Variants in GRM8 observed in about 807,000 individuals in gnomAD.
The protein encoded by GRM8 is metabotropic glutamate receptor 8.
A neutral mutation model predicts 87.2 loss-of-function variants in GRM8; 47 were observed. The ratio of observed to expected loss-of-function variants is 0.54; its 90% CI spans 0.43 to 0.69. The LOEUF is 0.69. Ranked by LOEUF, GRM8 falls within the 30% of genes least tolerant of loss-of-function variation. GRM8 has a pLI of 0.00. For synonymous variants in GRM8, 396 were observed against 404.5 expected (o/e 0.98, Z 0.25); for missense variants, 1,019 against 1,139.2 (o/e 0.89, Z 1.52).
intron 6 of GRM8, among the ~76,000 whole-genome samples, chr7:126,864,058 A>T (rs1448616712): frequency 2.0e-5 from 2 of 98,324 alleles, no homozygotes; most frequent in East Asian, 3.2e-4. Flanking sequence ...TTTTGTAGAG[A>T]CAAAGTCTTG....
intron 7 of GRM8, among the ~76,000 whole-genome samples, chr7:126,748,618 T>G (rs1056924343): frequency 1.3e-5 from 2 of 150,654 alleles, no homozygotes; most frequent in Admixed American, 6.6e-5. Flanking sequence ...TTTTTTTTTT[T>G]TTTTTGTAAA....
At chr7:126,782,060 A>G (rs759653809) in intron 6 of GRM8, among the ~76,000 whole-genome samples, 24 of 152,202 alleles carry the variant, frequency 1.6e-4, no homozygotes, top group Non-Finnish European at 2.4e-4. Flanking sequence ...TGATAATAAA[A>G]TCAATGTAGT....
At chr7:126,657,967 T>C (rs1447042621) in intron 7 of GRM8, among the ~76,000 whole-genome samples, 1 of 152,234 alleles carries the variant, frequency 6.6e-6, no homozygotes, top group African/African-American at 2.4e-5. Context: ...AGTAAAGAGA[T>C]GCTAACGGTT....
chr7:127,073,310 A>C (rs1010669177), intron 3 of GRM8, among the ~76,000 whole-genome samples: 1 of 152,218 alleles, frequency 6.6e-6, no homozygotes, highest in Non-Finnish European at 1.5e-5. Context: ...GTAATGGTCC[A>C]TGACTGCAAA....
At chr7:126,615,437 C>T (rs957222985) in intron 7 of GRM8, among the ~76,000 whole-genome samples, 10 of 152,136 alleles carry the variant, frequency 6.6e-5, no homozygotes, top group African/African-American at 2.2e-4. Context: ...ATTGTAAAGA[C>T]CATCAAGGCT....
intron 6 of GRM8, among the ~76,000 whole-genome samples, chr7:126,853,339 A>C (rs1797389177): frequency 6.6e-6 from 1 of 151,866 alleles, no homozygotes; most frequent in Admixed American, 6.6e-5. Flanking sequence ...TGTTTTTTTT[A>C]AGTCTTTGTT....
chr7:126,504,643 A>C (rs1810168228), intron 9 of GRM8, among the ~76,000 whole-genome samples: 2 of 152,106 alleles, frequency 1.3e-5, no homozygotes, highest in Admixed American at 1.3e-4. Flanking sequence ...GTGCCCCTGA[A>C]CCCAAAATAA....
intron 1 of GRM8, among the ~76,000 whole-genome samples, chr7:127,247,637 C>T (rs552298228): frequency 1.6e-4 from 24 of 152,084 alleles, no homozygotes; most frequent in Admixed American, 3.3e-4. Flanking sequence ...TGGCAACAGA[C>T]GCTTGGAATC....
In GRM8 at chr7:126,470,058, C is replaced by T. The variant is rs184053748; in HGVS notation, c.2431-23686G>A. 2.4e-3 allele frequency among the ~76,000 whole-genome samples: 370 copies of T among 152,222 alleles called. 2 individuals are homozygous for T. The highest frequency in any genetic ancestry group is 8.3e-3 in the African/African-American group (346 of 41,554). ...ATGGAAATAAGAAACTTATTATGAA[C>T]TGGAGCAAAGGTGATTCTTGCCACA... On this transcript the variant is annotated intron_variant, in intron 9 of 10. Coordinates refer to ENST00000339582, the MANE Select transcript of GRM8 (RefSeq NM_000845.3).
chr7:126,566,329 A>G (rs748882844), intron 8 of GRM8, among the ~76,000 whole-genome samples: 6 of 152,160 alleles, frequency 3.9e-5, no homozygotes, highest in Admixed American at 3.9e-4. Flanking sequence ...ACTCAATAGC[A>G]AAAAAACTAA....
chr7:126,786,988 C>T (rs573314531), intron 6 of GRM8, among the ~76,000 whole-genome samples: 2 of 152,132 alleles, frequency 1.3e-5, no homozygotes, highest in African/African-American at 2.4e-5. Flanking sequence ...CTTTTCTGCA[C>T]CCATGTGTAG....
intron 3 of GRM8, among the ~76,000 whole-genome samples, chr7:127,069,410 T>C (rs1461500042): frequency 1.2e-4 from 19 of 152,272 alleles, no homozygotes; most frequent in African/African-American, 4.6e-4. Context: ...GTAATCCACC[T>C]ACCTTGGCCT....
At position 126,856,536 on chromosome 7, in the gene GRM8, C is replaced by T. The variant is rs185638996; in HGVS notation, c.1156+46006G>A. 2.6e-5 allele frequency among the ~76,000 whole-genome samples: 4 copies of T among 152,270 alleles called. No individual in the cohort carries two copies. The South Asian group carries it at 6.2e-4, about 24-fold the overall frequency. On this transcript the variant is annotated intron_variant, in intron 6 of 10. Transcript: ENST00000339582. Reference sequence around the variant, plus strand: ...GCCTTGGGGATGAGTTCTGTTACATCGTGATATCTTCCTTTATATAACTAA... The same window carrying T: ...GCCTTGGGGATGAGTTCTGTTACATTGTGATATCTTCCTTTATATAACTAA...
intron 7 of GRM8, among the ~76,000 whole-genome samples, chr7:126,713,340 A>C (rs924314699): frequency 6.6e-6 from 1 of 152,114 alleles, no homozygotes; most frequent in African/African-American, 2.4e-5. Flanking sequence ...GCAAACTAAC[A>C]CAAGAACAGA....
chr7:126,586,184 A>G lies in GRM8; in HGVS notation c.1494+23178T>C, dbSNP rs145822613. 3.0e-4 allele frequency among the ~76,000 whole-genome samples: 46 copies of G among 152,310 alleles called. 1 individual carries two copies. Among genetic ancestry groups the G allele is most frequent in the African/African-American group, 9.9e-4 (41 of 41,560 alleles). On this transcript the variant is annotated intron_variant, in intron 8 of 10. Transcript: ENST00000339582. ...CCACTGCTCAACGAAAAAAAAGTGG[A>G]TACAAACAAATGGAAGAACATTCCA...
At chr7:127,202,398 G>A (rs758495993) in intron 2 of GRM8, among the ~76,000 whole-genome samples, 7 of 152,050 alleles carry the variant, frequency 4.6e-5, no homozygotes, top group East Asian at 1.9e-4. Flanking sequence ...GGGTGGTCTC[G>A]AACTCCTGGA....
intron 9 of GRM8, among the ~76,000 whole-genome samples, chr7:126,481,989 G>A (rs1044959079): frequency 1.3e-5 from 2 of 151,974 alleles, no homozygotes; most frequent in Non-Finnish European, 2.9e-5. Flanking sequence ...ATTAAGAAAT[G>A]GGCAAAGGAC....
chr7:127,144,873 C>T lies in GRM8; in HGVS notation c.511-38161G>A, dbSNP rs114031722. Among the ~76,000 whole-genome samples the T allele has an allele frequency of 4.8e-3, 727 of 152,126 alleles. 7 individuals carry two copies. Among genetic ancestry groups the T allele is most frequent in the African/African-American group, 0.016 (676 of 41,522 alleles). On this transcript the variant is annotated intron_variant, in intron 2 of 10. Coordinates refer to ENST00000339582, the MANE Select transcript of GRM8 (RefSeq NM_000845.3). ...CACTCTCTGGTAGATTTCCTTTCTGCGGTTAAAGTGCTAATTTCCTACAGA... is the reference window on the plus strand; with the variant it reads ...CACTCTCTGGTAGATTTCCTTTCTGTGGTTAAAGTGCTAATTTCCTACAGA...
At chr7:126,855,891 G>A (rs1019518758) in intron 6 of GRM8, among the ~76,000 whole-genome samples, 3 of 152,132 alleles carry the variant, frequency 2.0e-5, no homozygotes, top group African/African-American at 7.2e-5. Context: ...CACAGCAGGT[G>A]TCCAGGAGAA....
Sources: allele counts gnomAD v4.1 joint callset (sites outside exome capture counted in the v4.1 genomes callset), GRCh38; gene constraint gnomAD v4.1.1; transcripts MANE v1.5; gene names NCBI Gene and HGNC (gene_info 2026-07-23, HGNC 2026-07-21).